The following MED13 variants were observed in gnomAD, a reference collection of about 807,000 sequenced individuals.
MED13 encodes mediator complex subunit 13.
MED13 carries 23 observed loss-of-function variants against 225.2 expected under a neutral mutation model. That is an observed-to-expected ratio of 0.10 (90% CI 0.07 to 0.14). MED13 has a LOEUF of 0.14. Among genes scored for constraint, MED13 ranks in the 10% least tolerant of loss-of-function variants. The probability of loss-of-function intolerance (pLI) is 1.00; values close to 1 mark genes in which losing one functional copy is unlikely to be tolerated. For missense variants in MED13, 2,197 were observed against 2,594.5 expected (o/e 0.85, Z 3.33); for synonymous variants, 942 against 889.2 (o/e 1.06, Z -1.06).
chr17:62,055,939 C>T (rs1452040174), intron 2 of MED13, among the ~76,000 whole-genome samples: 2 of 152,100 alleles, frequency 1.3e-5, no homozygotes, highest in Non-Finnish European at 2.9e-5. Flanking sequence ...CCCCAGTGCC[C>T]ACAATTCTCA....
chr17:61,975,689 C>A (rs149053326), intron 16 of MED13, among the ~76,000 whole-genome samples: 1 of 151,992 alleles, frequency 6.6e-6, no homozygotes, highest in Non-Finnish European at 1.5e-5. Context: ...CCACTGCACT[C>A]CAGCCTGGAT....
intron 12 of MED13, among the ~76,000 whole-genome samples, 182 bp downstream of exon 12, chr17:61,986,825 A>G (rs1454108793): frequency 6.6e-6 from 1 of 152,230 alleles, no homozygotes; most frequent in Non-Finnish European, 1.5e-5. Context: ...TATAGATGAC[A>G]CTATGGCAAG....
chr17:61,993,083 T>C (rs1338614539), intron 10 of MED13, among the ~76,000 whole-genome samples: 3 of 151,914 alleles, frequency 2.0e-5, no homozygotes, highest in Non-Finnish European at 2.9e-5. Context: ...GTTTATCTTA[T>C]AGACAAAAGT....
chr17:61,949,103 A>G (rs1567936105), intron 28 of MED13, among the ~76,000 whole-genome samples: 2 of 152,026 alleles, frequency 1.3e-5, no homozygotes, highest in African/African-American at 2.4e-5. Flanking sequence ...AAAAAAAAGA[A>G]TAAGTGAGTC....
At chr17:61,991,187 C>T (rs935223612) in intron 11 of MED13, among the ~76,000 whole-genome samples, 1 of 152,058 alleles carries the variant, frequency 6.6e-6, no homozygotes, top group East Asian at 1.9e-4. Flanking sequence ...GGCACAATCT[C>T]GGCTCACTGC....
intron 9 of MED13, chr17:62,005,278 C>G (rs964073151): frequency 6.6e-6 from 1 of 152,168 alleles, no homozygotes; most frequent in Non-Finnish European, 1.5e-5. Flanking sequence ...ATACTGATAT[C>G]TCTTAATTAA....
chr17:62,024,367 T>A (rs992081543), intron 8 of MED13, among the ~76,000 whole-genome samples: 1 of 152,210 alleles, frequency 6.6e-6, no homozygotes, highest in Non-Finnish European at 1.5e-5. Context: ...AGACCAAGAA[T>A]TTAAACCTGT....
At chr17:61,968,627 C>CT (rs1448765891) in intron 17 of MED13, among the ~76,000 whole-genome samples, 1 of 151,972 alleles carries the variant, frequency 6.6e-6, no homozygotes, top group East Asian at 1.9e-4. Flanking sequence ...GCCCGGCCTC[C>CT]TTTTTATTTA....
intron 8 of MED13, among the ~76,000 whole-genome samples, chr17:62,011,765 C>T (rs1349135003): frequency 1.3e-5 from 2 of 152,170 alleles, no homozygotes; most frequent in Admixed American, 6.5e-5. Flanking sequence ...GGCCTCACAC[C>T]ATACCTACCT....
At chr17:61,983,694 CT>C (rs1159474064) in intron 15 of MED13, among the ~76,000 whole-genome samples, 4 of 150,494 alleles carry the variant, frequency 2.7e-5, no homozygotes, top group Non-Finnish European at 5.9e-5. Flanking sequence ...GCATAATAGT[CT>C]TAAGTTTCCT....
At chr17:61,957,431 C>A (rs1333221020) in intron 23 of MED13, among the ~76,000 whole-genome samples, 6 of 151,652 alleles carry the variant, frequency 4.0e-5, no homozygotes, top group Admixed American at 2.0e-4. Flanking sequence ...CTCACTGCAA[C>A]CTCCGCCTCC....
intron 16 of MED13, among the ~76,000 whole-genome samples, chr17:61,979,123 G>A (rs887740877): frequency 2.6e-5 from 4 of 152,118 alleles, no homozygotes; most frequent in African/African-American, 4.8e-5. Context: ...CTTTATTAAC[G>A]GTAATACATT....
chr17:61,959,665 T>G (rs1364746415), intron 23 of MED13, among the ~76,000 whole-genome samples: 1 of 151,998 alleles, frequency 6.6e-6, no homozygotes, highest in Non-Finnish European at 1.5e-5. Context: ...TATATTTAAC[T>G]TCTCACCTAA....
rs1348829304 is a variant in MED13 at position 61,955,461 on chromosome 17, A to G, written c.5889T>C (p.Phe1963=). ...QDTSCTHILV[F]PTSASVQVAS... ...CTACTTGCACAGAAGCAGAAGTAGG[A>G]AACACAAGTATATGAGTACATGATG... Residue 1963 remains phenylalanine, a synonymous_variant, in exon 26 of 30, where the codon TTT becomes TTC. Coordinates refer to ENST00000397786, the MANE Select transcript of MED13 (RefSeq NM_005121.3). The G allele has an allele frequency of 1.6e-5, 25 of 1,601,920 alleles. No individual in the cohort carries two copies. The highest frequency in any genetic ancestry group is 2.0e-5 in the Non-Finnish European group (24 of 1,176,466).
intron 3 of MED13, among the ~76,000 whole-genome samples, chr17:62,047,288 T>C (rs1413721597): frequency 6.6e-6 from 1 of 152,088 alleles, no homozygotes; most frequent in Non-Finnish European, 1.5e-5. Flanking sequence ...GGAGAATTGC[T>C]TGAATCCAGG....
chr17:61,962,882 T>C lies in MED13; in HGVS notation c.4934A>G (p.Asp1645Gly). Reference sequence around the variant, plus strand: ...GTCTGTATTTTCGTATGTAAAAGGATCAATTATATAAACAACAATTGCAGG... The same window carrying C: ...GTCTGTATTTTCGTATGTAAAAGGACCAATTATATAAACAACAATTGCAGG... The part of the protein sequence containing the change: ...YPPAIVVYII[D>G]PFTYENTDES... The change falls in exon 21 of 30, where the codon GAT becomes GGT. Residue 1645 changes from aspartate (D) to glycine (G), a missense_variant. Asp to Gly is a moderately conservative substitution (Grantham distance 94, BLOSUM62 -1). Around this residue, in one of 12 missense-constraint regions of MED13, gnomAD observed 457 missense variants for 442.2 expected, o/e 1.03. Transcript: ENST00000397786. 1 of 1,614,028 alleles carries C rather than the reference T, an allele frequency of 6.2e-7. No homozygotes were observed. The highest frequency in any genetic ancestry group is 8.5e-7 in the Non-Finnish European group (1 of 1,179,970).
intron 10 of MED13, among the ~76,000 whole-genome samples, chr17:61,994,795 T>C (rs949678749): frequency 1.3e-5 from 2 of 152,210 alleles, no homozygotes; most frequent in African/African-American, 4.8e-5. Context: ...CTGCAACCTC[T>C]GCCTCCTGGG....
chr17:62,044,425 CT>C (rs1391075686), intron 3 of MED13, among the ~76,000 whole-genome samples: 2 of 152,174 alleles, frequency 1.3e-5, no homozygotes, highest in Non-Finnish European at 2.9e-5. Context: ...TGAACTTTTA[CT>C]GCTTTATCCC....
Position 62,033,830 on chromosome 17 carries a change from C to T in MED13, c.771G>A (p.Met257Ile), listed in dbSNP as rs2143687170. Reference protein sequence around the residue: ...KEMSEEKQEDMDWEDDSLAAV... With the variant: ...KEMSEEKQEDIDWEDDSLAAV... ...CAGCTAAAGAATCATCTTCCCAATC[C>T]ATATCTTCCTGTTTTTCTTCAGACA... is the stretch of plus-strand genomic sequence containing the variant. The change falls in exon 5 of 30, where the codon ATG becomes ATA. Residue 257 changes from methionine to isoleucine, a missense_variant. Physicochemically the swap from Met to Ile is conservative, Grantham distance 10. Transcript: ENST00000397786. 6.2e-7 allele frequency: 1 copy of T among 1,614,118 alleles called. No individual in the cohort carries two copies. The highest frequency in any genetic ancestry group is 8.5e-7 in the Non-Finnish European group (1 of 1,180,008).
Sources: allele counts gnomAD v4.1 joint callset (sites outside exome capture counted in the v4.1 genomes callset), GRCh38; gene constraint gnomAD v4.1.1; regional missense constraint gnomAD v4.1.1; transcripts MANE v1.5; gene names NCBI Gene and HGNC (gene_info 2026-07-23, HGNC 2026-07-21).